The following ARID1B variants were observed in gnomAD, a reference collection of about 807,000 sequenced individuals.
The protein encoded by ARID1B is AT-rich interactive domain-containing protein 1B.
Under a neutral mutation model 212.3 loss-of-function variants are expected in ARID1B, and 30 were observed. The observed-to-expected ratio is 0.14, with a 90% CI of 0.11 to 0.19. The LOEUF is 0.19. Among genes scored for constraint, ARID1B ranks in the 10% least tolerant of loss-of-function variants. The probability of loss-of-function intolerance (pLI) is 1.00; values close to 1 mark genes in which losing one functional copy is unlikely to be tolerated. For missense variants in ARID1B, 2,891 were observed against 3,204.0 expected (o/e 0.90, Z 2.36); for synonymous variants, 1,402 against 1,301.7 (o/e 1.08, Z -1.66).
chr6:157,097,412 A>G (rs542942232), intron 5 of ARID1B, among the ~76,000 whole-genome samples: 1 of 152,240 alleles, frequency 6.6e-6, no homozygotes, highest in African/African-American at 2.4e-5. Context: ...AAAGATGCCC[A>G]TTGATTGACC....
chr6:156,950,811 G>C (rs1307208424), intron 4 of ARID1B, among the ~76,000 whole-genome samples: 1 of 152,128 alleles, frequency 6.6e-6, no homozygotes, highest in African/African-American at 2.4e-5. Flanking sequence ...TGACTGTCCT[G>C]TCATATCCCT....
intron 4 of ARID1B, among the ~76,000 whole-genome samples, chr6:156,992,936 G>A (rs56882462): frequency 6.6e-6 from 1 of 152,058 alleles, no homozygotes; most frequent in Non-Finnish European, 1.5e-5. Flanking sequence ...ATAGTATTCA[G>A]TGAATTAAAA....
chr6:156,894,120 C>A (rs749732633), intron 2 of ARID1B, among the ~76,000 whole-genome samples: 36 of 152,040 alleles, frequency 2.4e-4, no homozygotes, highest in Non-Finnish European at 4.6e-4. Flanking sequence ...ATGATACACA[C>A]CACAACATGG....
intron 16 of ARID1B, 27 bp downstream of exon 16, chr6:157,196,342 G>C (rs759899381): frequency 6.3e-7 from 1 of 1,579,202 alleles, no homozygotes; most frequent in Non-Finnish European, 8.6e-7. Context: ...ATGACAATAT[G>C]ATGATTTACT....
At chr6:156,800,438 A>C (rs1271134686) in intron 1 of ARID1B, among the ~76,000 whole-genome samples, 2 of 152,046 alleles carry the variant, frequency 1.3e-5, no homozygotes, top group Admixed American at 6.6e-5. Flanking sequence ...AAAATGCAAA[A>C]ATTAGCCAGG....
chr6:157,054,426 T>G, intron 4 of ARID1B, among the ~76,000 whole-genome samples: 1 of 152,250 alleles, frequency 6.6e-6, no homozygotes, highest in East Asian at 1.9e-4. Context: ...TATAGTTTTT[T>G]GAAATAATGT....
At chr6:156,988,786 G>A (rs1011014631) in intron 4 of ARID1B, among the ~76,000 whole-genome samples, 6 of 152,164 alleles carry the variant, frequency 3.9e-5, no homozygotes, top group Admixed American at 1.3e-4. Flanking sequence ...ACATTGGTGC[G>A]TTTTACTGCC....
intron 4 of ARID1B, among the ~76,000 whole-genome samples, chr6:157,039,322 C>CTTTCTTTTT (rs1781547108): frequency 9.7e-6 from 1 of 102,976 alleles, no homozygotes; most frequent in African/African-American, 4.1e-5. Flanking sequence ...TTTGACATTT[C>CTTTCTTTTT]TTTTTTTTTT....
At chr6:157,152,113 A>G (rs866268326) in intron 8 of ARID1B, 30 of 152,332 alleles carry the variant, frequency 2.0e-4, no homozygotes, top group African/African-American at 6.7e-4. Flanking sequence ...GTAGGAAGAT[A>G]ACAGTCGGAG....
chr6:157,006,420 T>C (rs1448857914), intron 4 of ARID1B, among the ~76,000 whole-genome samples: 2 of 152,172 alleles, frequency 1.3e-5, no homozygotes. Context: ...AATTGTAGCA[T>C]AAGGTTGAAA....
chr6:157,024,977 A>G (rs573990383), intron 4 of ARID1B, among the ~76,000 whole-genome samples: 1 of 152,346 alleles, frequency 6.6e-6, no homozygotes, highest in East Asian at 1.9e-4. Flanking sequence ...GCGCTTGTAC[A>G]GACGATTTCA....
intron 15 of ARID1B, among the ~76,000 whole-genome samples, chr6:157,192,206 G>A (rs1288977360): frequency 2.0e-5 from 3 of 152,102 alleles, no homozygotes; most frequent in African/African-American, 7.2e-5. Flanking sequence ...AGAACATTTC[G>A]TTAGTGCTTT....
chr6:157,170,542 T>C (rs1205705295), intron 9 of ARID1B, among the ~76,000 whole-genome samples: 1 of 152,216 alleles, frequency 6.6e-6, no homozygotes, highest in African/African-American at 2.4e-5. Context: ...TTTGATAAGT[T>C]ATGAAAACCA....
chr6:156,977,074 G>T (rs2128363410), intron 4 of ARID1B: 1 of 323,730 alleles, frequency 3.1e-6, no homozygotes, highest in African/African-American at 2.4e-5. Context: ...TTTTTCTAGG[G>T]ATGTAATACA....
chr6:156,886,030 T>G (rs1787474116), intron 2 of ARID1B, among the ~76,000 whole-genome samples: 1 of 152,228 alleles, frequency 6.6e-6, no homozygotes, highest in African/African-American at 2.4e-5. Flanking sequence ...TTTGGATTTT[T>G]GGGTTAGGGA....
chr6:157,111,933 A>G (rs1786954642), intron 6 of ARID1B, among the ~76,000 whole-genome samples: 1 of 152,172 alleles, frequency 6.6e-6, no homozygotes, highest in African/African-American at 2.4e-5. Context: ...GAAGGTTTGA[A>G]TTGGGACGTT....
intron 4 of ARID1B, chr6:157,022,335 G>T (rs995517326): frequency 1.3e-5 from 2 of 152,280 alleles, no homozygotes; most frequent in South Asian, 2.1e-4. Context: ...AACCTTCCTT[G>T]CTGGGAAAAC....
rs536499470 is a variant in ARID1B, at chr6:157,034,846, T to C, written c.2248-49816T>C. Among the ~76,000 whole-genome samples the C allele has an allele frequency of 2.0e-5, 3 of 152,364 alleles. No homozygotes were observed. In the South Asian group the frequency reaches 6.2e-4, roughly 32 times the overall value. On this transcript the variant is annotated intron_variant, in intron 4 of 19. Transcript: ENST00000636930. ...TAAAGGATACTTGAACTAGGGTACA[T>C]ATATATGTAAACAATAGTGCTTTTG...
intron 4 of ARID1B, among the ~76,000 whole-genome samples, chr6:156,945,603 C>T (rs555898682): frequency 1.6e-3 from 240 of 152,252 alleles, no homozygotes; most frequent in African/African-American, 5.6e-3. Flanking sequence ...AGTCAGTCCA[C>T]ACCTGGGGAA....
Sources: gnomAD v4.1 joint callset for allele counts (sites outside exome capture counted in the v4.1 genomes callset) on GRCh38, gnomAD v4.1.1 for gene constraint, MANE v1.5 for transcripts, NCBI Gene and HGNC (gene_info 2026-07-23, HGNC 2026-07-21) for gene names.